Variants in FHIP1A observed in about 807,000 individuals in gnomAD.
FHIP1A encodes FHF complex subunit HOOK interacting protein 1A.
A neutral mutation model predicts 88.6 loss-of-function variants in FHIP1A; 61 were observed. The ratio of observed to expected loss-of-function variants is 0.69; its 90% CI spans 0.56 to 0.85. The LOEUF (loss-of-function observed/expected upper bound fraction) is 0.85, where lower values mean the gene tolerates loss of function less well. Among genes scored for constraint, FHIP1A ranks in the 40% least tolerant of loss-of-function variants. FHIP1A has a pLI of 0.00. For missense variants in FHIP1A, 1,154 were observed against 1,273.5 expected (o/e 0.91, Z 1.43); for synonymous variants, 478 against 496.0 (o/e 0.96, Z 0.48).
chr4:151,624,546 A>C (rs2126869616), intron 7 of FHIP1A, among the ~76,000 whole-genome samples: 1 of 152,304 alleles, frequency 6.6e-6, no homozygotes, highest in African/African-American at 2.4e-5. Context: ...TTATTATACT[A>C]ATATATTTAA....
intron 7 of FHIP1A, among the ~76,000 whole-genome samples, chr4:151,602,001 A>G (rs1244726049): frequency 6.6e-6 from 1 of 152,034 alleles, no homozygotes; most frequent in Non-Finnish European, 1.5e-5. Flanking sequence ...TCCTATTTAT[A>G]AAACCATCAG....
At chr4:151,436,493 T>C (rs953932439) in intron 1 of FHIP1A, 2 of 152,174 alleles carry the variant, frequency 1.3e-5, no homozygotes, top group Non-Finnish European at 2.9e-5. Flanking sequence ...CTGGCTCTCA[T>C]TCTACCTTGT....
chr4:151,526,813 G>A (rs1434471731), intron 3 of FHIP1A, among the ~76,000 whole-genome samples: 5 of 151,132 alleles, frequency 3.3e-5, no homozygotes, highest in East Asian at 2.0e-4. Flanking sequence ...CAGACGGGGC[G>A]GTTGCCGGGC....
At chr4:151,610,903 A>G (rs922813472) in intron 7 of FHIP1A, among the ~76,000 whole-genome samples, 1 of 152,182 alleles carries the variant, frequency 6.6e-6, no homozygotes, top group Non-Finnish European at 1.5e-5. Context: ...GGTGGTAAAC[A>G]CCATGAGAGT....
intron 3 of FHIP1A, among the ~76,000 whole-genome samples, chr4:151,524,644 A>G (rs1731567444): frequency 6.6e-6 from 1 of 152,228 alleles, no homozygotes; most frequent in Non-Finnish European, 1.5e-5. Context: ...ATAATGGGTA[A>G]CAACAGTGGT....
chr4:151,429,865 A>G (rs1048989543), intron 1 of FHIP1A, among the ~76,000 whole-genome samples: 1 of 150,986 alleles, frequency 6.6e-6, no homozygotes, highest in Non-Finnish European at 1.5e-5. Flanking sequence ...AAAAAAAAAA[A>G]AAAAAATCAG....
intron 2 of FHIP1A, among the ~76,000 whole-genome samples, chr4:151,482,181 T>A (rs1729918673): frequency 6.6e-6 from 1 of 152,152 alleles, no homozygotes. Context: ...ATCATTATTA[T>A]CTTAATATGA....
chr4:151,656,628 G>A lies in FHIP1A; in HGVS notation c.2731-132G>A. On this transcript the variant is annotated intron_variant, in intron 12 of 13. Transcript: ENST00000435205. The surrounding 1 kb of genome is among the most constrained non-coding windows in gnomAD (Gnocchi z 4.2). ...ACGGTGCCCTACGCAGAACACCCAG[G>A]CAGTTAAAAATGAACAAATGTCTAA... 2.7e-6 allele frequency: 3 copies of A among 1,095,952 alleles called. No individual in the cohort carries two copies. The highest frequency in any genetic ancestry group is 2.6e-5 in the Admixed American group (1 of 38,022). The allele number at this position is 1,095,952 out of a possible 1,614,324, so 67.9% of individuals were successfully genotyped here. A position where few individuals can be genotyped will look rare whatever the true frequency, so the allele number is the denominator to read the frequency against.
intron 2 of FHIP1A, among the ~76,000 whole-genome samples, chr4:151,464,472 G>C (rs1393398033): frequency 6.6e-6 from 1 of 152,236 alleles, no homozygotes; most frequent in Non-Finnish European, 1.5e-5. Flanking sequence ...TGGGGGCTCT[G>C]TGGACCTCAC....
At chr4:151,412,610 T>TCCTCCCTTCCTC (rs1732702243) in intron 1 of FHIP1A, among the ~76,000 whole-genome samples, 1 of 121,892 alleles carries the variant, frequency 8.2e-6, no homozygotes. Context: ...CTTCCTTCCT[T>TCCTCCCTTCCTC]CCTCCCTCCC....
At chr4:151,442,165 A>C (rs1241411548) in intron 1 of FHIP1A, among the ~76,000 whole-genome samples, 1 of 152,174 alleles carries the variant, frequency 6.6e-6, no homozygotes, top group Non-Finnish European at 1.5e-5. Flanking sequence ...AATGACAGGC[A>C]GTGGGAGCCA....
At chr4:151,611,742 C>T (rs1158578212) in intron 7 of FHIP1A, among the ~76,000 whole-genome samples, 1 of 152,178 alleles carries the variant, frequency 6.6e-6, no homozygotes, top group African/African-American at 2.4e-5. Flanking sequence ...GTGAGGCACT[C>T]ATCTGTCTCT....
chr4:151,544,175 C>T, intron 3 of FHIP1A, among the ~76,000 whole-genome samples: 1 of 152,156 alleles, frequency 6.6e-6, no homozygotes, highest in East Asian at 1.9e-4. Context: ...ACTAAAGCTC[C>T]ATATTTTGAA....
intron 3 of FHIP1A, among the ~76,000 whole-genome samples, chr4:151,528,838 C>A (rs950611620): frequency 3.3e-5 from 5 of 152,154 alleles, no homozygotes; most frequent in South Asian, 2.1e-4. Flanking sequence ...ATTTTCCCCC[C>A]CTTCAGCTGA....
At chr4:151,617,011 G>A (rs1474985385) in intron 7 of FHIP1A, among the ~76,000 whole-genome samples, 3 of 152,156 alleles carry the variant, frequency 2.0e-5, no homozygotes, top group Non-Finnish European at 4.4e-5. Flanking sequence ...GCCTCCCAAA[G>A]TGCTGTGATT....
chr4:151,436,636 A>G (rs1420072450), intron 1 of FHIP1A: 2 of 152,158 alleles, frequency 1.3e-5, no homozygotes, highest in Non-Finnish European at 2.9e-5. Context: ...AAACTTGACA[A>G]AGTGTCATCT....
At chr4:151,484,973 C>T (rs1003716853) in intron 3 of FHIP1A, among the ~76,000 whole-genome samples, 2 of 151,958 alleles carry the variant, frequency 1.3e-5, no homozygotes, top group South Asian at 4.2e-4. Context: ...GTGTGGGGAG[C>T]CAGTGGGAAG....
intron 2 of FHIP1A, among the ~76,000 whole-genome samples, chr4:151,472,301 G>A (rs2126619239): frequency 6.6e-6 from 1 of 152,028 alleles, no homozygotes; most frequent in East Asian, 1.9e-4. Flanking sequence ...TTCAGACCAT[G>A]ATTTTTTTTT....
chr4:151,432,931 G>T (rs1261524603), intron 1 of FHIP1A, among the ~76,000 whole-genome samples: 1 of 152,138 alleles, frequency 6.6e-6, no homozygotes, highest in Non-Finnish European at 1.5e-5. Flanking sequence ...AGTGCTTCCT[G>T]GGTGAGGTAC....
Sources: gnomAD v4.1 joint callset for allele counts (sites outside exome capture counted in the v4.1 genomes callset) on GRCh38, gnomAD v4.1.1 for gene constraint, Gnocchi (gnomAD v3.1) non-coding constraint, MANE v1.5 for transcripts, NCBI Gene and HGNC (gene_info 2026-07-23, HGNC 2026-07-21) for gene names.